STRA8: variants seen among roughly 807,000 people sequenced by gnomAD.
STRA8 encodes stimulated by retinoic acid gene 8 protein homolog.
STRA8 carries 18 observed loss-of-function variants against 37.1 expected under a neutral mutation model. That is an observed-to-expected ratio of 0.48 (90% CI 0.34 to 0.72). STRA8 has a LOEUF of 0.72. Among genes scored for constraint, STRA8 ranks in the 30% least tolerant of loss-of-function variants. The pLI is 0.01. For missense variants in STRA8, 357 were observed against 410.4 expected, an observed-to-expected ratio of 0.87 and a Z score of 1.13; for synonymous variants, 168 against 162.9, an observed-to-expected ratio of 1.03 and a Z score of -0.24.
chr7:135,232,787 C>T (rs929926527), upstream of STRA8, among the ~76,000 whole-genome samples: 1 of 152,182 alleles, frequency 6.6e-6, no homozygotes, highest in African/African-American at 2.4e-5. Context: ...CTTTCCGTAG[C>T]GGCTCGTTGA....
intron 1 of STRA8, among the ~76,000 whole-genome samples, chr7:135,235,038 A>T (rs1014540282): frequency 5.3e-5 from 8 of 151,570 alleles, no homozygotes; most frequent in Admixed American, 2.0e-4. Context: ...CGCCCAGATA[A>T]TTTTTGTATT....
chr7:135,235,803 C>T (rs1832367547), intron 1 of STRA8, among the ~76,000 whole-genome samples: 1 of 152,104 alleles, frequency 6.6e-6, no homozygotes, highest in Non-Finnish European at 1.5e-5. Flanking sequence ...ATTTTTACCT[C>T]CTTTATGCAG....
chr7:135,239,753 T>C (rs10242159), intron 1 of STRA8, among the ~76,000 whole-genome samples: 3,326 of 152,196 alleles, frequency 0.022, 136 homozygotes, highest in African/African-American at 0.073. Flanking sequence ...TAAGCTCAGA[T>C]GTAACAAAGA....
chr7:135,251,943 T>G (rs1832640788), intron 7 of STRA8, 74 bp downstream of exon 7: 1 of 1,407,972 alleles, frequency 7.1e-7, no homozygotes. Flanking sequence ...CAGGTGTGTA[T>G]GTGTGAGTTT....
At position 135,255,240 on chromosome 7, in the gene STRA8, A is replaced by G. The variant is rs1562974608; in HGVS notation, c.1065+15A>G. ...AAGTAAAGCAGGTAGGATGGAGTAG[A>G]GGGCCGTGGTACCTCTGCCCACCTT... is the stretch of plus-strand genomic sequence containing the variant. On this transcript the variant is annotated intron_variant, in intron 8 of 8. Transcript: ENST00000662584. 6.3e-7 allele frequency: 1 copy of G among 1,599,644 alleles called. No homozygotes were observed. The highest frequency in any genetic ancestry group is 8.6e-7 in the Non-Finnish European group (1 of 1,167,190).
At chr7:135,252,013 AGTGTGTGTGTGT>A (rs59621186) in intron 7 of STRA8, 144 bp downstream of exon 7, 11 of 505,288 alleles carry the variant, frequency 2.2e-5, no homozygotes, top group East Asian at 7.2e-5. Context: ...AGAGAGAGAG[AGTGTGTGTGTGT>A]GTGTGTGTGT....
intron 8 of STRA8, among the ~76,000 whole-genome samples, chr7:135,257,397 A>T (rs891091740): frequency 1.3e-5 from 2 of 152,176 alleles, no homozygotes; most frequent in Non-Finnish European, 2.9e-5. Context: ...ATCACTGTTT[A>T]CAGTGTCCCT....
chr7:135,240,732 G>A lies in STRA8; in HGVS notation c.192+16G>A. 6.2e-7 allele frequency: 1 copy of A among 1,612,770 alleles called. No individual in the cohort carries two copies. Among genetic ancestry groups the A allele is most frequent in the South Asian group, 1.1e-5 (1 of 90,820 alleles). Reference sequence around the variant, plus strand: ...AGCCTCAAAGGTATGGGGACCTGGAGGAGGAGAGGGGACATCTCCACGGGG... The same window carrying A: ...AGCCTCAAAGGTATGGGGACCTGGAAGAGGAGAGGGGACATCTCCACGGGG... On this transcript the variant is annotated intron_variant, in intron 2 of 8. Coordinates refer to ENST00000662584, the MANE Select transcript of STRA8 (RefSeq NM_001394401.1).
Position 135,238,252 on chromosome 7 carries a change from G to A in STRA8, c.-6-2267G>A, listed in dbSNP as rs374520195. Among the ~76,000 whole-genome samples the A allele has an allele frequency of 3.1e-4, 47 of 152,210 alleles. 1 individual carries two copies. Among genetic ancestry groups the A allele is most frequent in the African/African-American group, 9.4e-4 (39 of 41,460 alleles). On this transcript the variant is annotated intron_variant, in intron 1 of 8. Coordinates refer to ENST00000662584, the MANE Select transcript of STRA8 (RefSeq NM_001394401.1). ...GCTCCTGACCAGGGGGCGCCTGGGG[G>A]CAGGCAAGATGGAGGCCACGGCTCC...
chr7:135,256,298 A>T (rs1195522557), intron 8 of STRA8, among the ~76,000 whole-genome samples: 1 of 152,206 alleles, frequency 6.6e-6, no homozygotes, highest in Non-Finnish European at 1.5e-5. Context: ...GTGAATCCTT[A>T]TGTGGAGCCC....
At chr7:135,233,639 C>T (rs1832323985), upstream of STRA8, among the ~76,000 whole-genome samples, 1 of 152,172 alleles carries the variant, frequency 6.6e-6, no homozygotes, top group Non-Finnish European at 1.5e-5. Context: ...AGCCCCGCCC[C>T]TCCCTCTTCT....
In STRA8 at chr7:135,245,332, GC is replaced by G. The variant is rs2117803244; in HGVS notation, c.401del (p.Pro134GlnfsTer48). On this transcript the variant is annotated frameshift_variant, in exon 5 of 9. Coordinates refer to ENST00000662584, the MANE Select transcript of STRA8 (RefSeq NM_001394401.1). LOFTEE classifies it high-confidence loss of function. The part of the protein sequence containing the change: ...SFPQNGSSPW[C>X]PTEAVRKDAE... ...CCTCAGAATGGTTCCTCCCCTTGGT[GC>G]CCAACTGAGGCAGTCAGGAAGGATG... 1.3e-6 allele frequency: 1 copy of G among 780,938 alleles called. No homozygotes were observed. 48.4% of individuals were successfully genotyped at this position (780,938 alleles called of 1,614,324 possible).
At position 135,246,102 on chromosome 7, in the gene STRA8, A is replaced by T; in HGVS notation, c.594-315A>T. 1 of 380,448 alleles carries T rather than the reference A, an allele frequency of 2.6e-6. No individual in the cohort carries two copies. Among genetic ancestry groups the T allele is most frequent in the Non-Finnish European group, 4.8e-6 (1 of 207,638 alleles). 23.6% of individuals were successfully genotyped at this position (380,448 alleles called of 1,614,324 possible). A position where few individuals can be genotyped will look rare whatever the true frequency, so the allele number is the denominator to read the frequency against. On this transcript the variant is annotated intron_variant, in intron 5 of 8. Transcript: ENST00000662584. This position sits in a 1 kb window ranked among gnomAD's most constrained non-coding sequence, Gnocchi z 5.4. The stretch of plus-strand genomic sequence containing the variant: ...CACATTCATGGGCTCAGAATTTTCA[A>T]GAATATTCCCTTAGGATGAGAGCTG...
At chr7:135,241,696 G>A (rs771329381) in intron 2 of STRA8, among the ~76,000 whole-genome samples, 9 of 152,196 alleles carry the variant, frequency 5.9e-5, no homozygotes, top group Non-Finnish European at 1.2e-4. Context: ...CATTTTCACA[G>A]CCCTTTGCTT....
At chr7:135,245,858 C>T (rs1832543643) in intron 5 of STRA8, among the ~76,000 whole-genome samples, 2 of 152,132 alleles carry the variant, frequency 1.3e-5, no homozygotes, top group Admixed American at 6.5e-5. Context: ...CCCTCTCTCC[C>T]CCAAAACACA....
intron 8 of STRA8, among the ~76,000 whole-genome samples, chr7:135,256,573 G>A (rs1481665451): frequency 6.6e-6 from 1 of 152,216 alleles, no homozygotes; most frequent in African/African-American, 2.4e-5. Flanking sequence ...GGGAGGCTGA[G>A]GTGGGCAGAT....
chr7:135,244,540 T>G (rs925132839), intron 4 of STRA8, among the ~76,000 whole-genome samples: 5 of 152,266 alleles, frequency 3.3e-5, no homozygotes, highest in African/African-American at 1.2e-4. Flanking sequence ...TTTAATAGAT[T>G]GAGCTTTTTG....
At chr7:135,239,252 AAG>A (rs1832424079) in intron 1 of STRA8, among the ~76,000 whole-genome samples, 1 of 152,176 alleles carries the variant, frequency 6.6e-6, no homozygotes, top group South Asian at 2.1e-4. Context: ...CACACAAATC[AAG>A]AGTTAGCGGT....
Position 135,251,777 on chromosome 7 carries a change from G to C in STRA8, c.880-19G>C. 1 of 1,613,764 alleles carries C rather than the reference G, an allele frequency of 6.2e-7. No homozygotes were observed. Among genetic ancestry groups the C allele is most frequent in the Non-Finnish European group, 8.5e-7 (1 of 1,179,640 alleles). On this transcript the variant is annotated intron_variant, in intron 6 of 8. Coordinates refer to ENST00000662584, the MANE Select transcript of STRA8 (RefSeq NM_001394401.1). The stretch of plus-strand genomic sequence containing the variant: ...TGTCAAGTTATTTCCAACACATGAA[G>C]TGTTGTGCTTTCTTTCAGATCCTTT...
Sources: gnomAD v4.1 joint callset for allele counts (sites outside exome capture counted in the v4.1 genomes callset) on GRCh38, gnomAD v4.1.1 for gene constraint, Gnocchi (gnomAD v3.1) non-coding constraint, MANE v1.5 for transcripts, NCBI Gene and HGNC (gene_info 2026-07-23, HGNC 2026-07-21) for gene names.